The following PRKD3 variants were observed in gnomAD, a reference collection of about 807,000 sequenced individuals.
PRKD3 encodes serine/threonine-protein kinase D3.
In PRKD3, 47 loss-of-function variants were observed where a neutral mutation model predicts 99.2. The ratio of observed to expected loss-of-function variants is 0.47; its 90% CI spans 0.38 to 0.60. The LOEUF (loss-of-function observed/expected upper bound fraction) is 0.60. Among genes scored for constraint, PRKD3 ranks in the 20% least tolerant of loss-of-function variants. PRKD3 has a pLI of 0.00. For synonymous variants in PRKD3, 392 were observed against 355.4 expected (o/e 1.10, Z -1.16); for missense variants, 1,019 against 1,088.4 (o/e 0.94, Z 0.90).
chr2:37,275,710 C>A (rs922419444), intron 10 of PRKD3, 57 bp downstream of exon 10: 2 of 1,501,368 alleles, frequency 1.3e-6, no homozygotes, highest in Non-Finnish European at 1.8e-6. Context: ...TGAATATTAT[C>A]TGAAAAAAAC....
At chr2:37,309,867 A>G (rs888551005) in intron 2 of PRKD3, among the ~76,000 whole-genome samples, 2 of 143,058 alleles carry the variant, frequency 1.4e-5, no homozygotes, top group South Asian at 4.5e-4. Context: ...AAAAAAAAAA[A>G]GGCAGCACAT....
At chr2:37,271,242 C>T (rs1432919453) in intron 12 of PRKD3, among the ~76,000 whole-genome samples, 1 of 151,978 alleles carries the variant, frequency 6.6e-6, no homozygotes, top group South Asian at 2.1e-4. Flanking sequence ...TCTCTCTAGT[C>T]CAGGGGTTAG....
intron 2 of PRKD3, among the ~76,000 whole-genome samples, chr2:37,309,986 T>C (rs1671352745): frequency 6.6e-6 from 1 of 152,232 alleles, no homozygotes; most frequent in South Asian, 2.1e-4. Flanking sequence ...TGATATACCA[T>C]TAACCTCTAA....
chr2:37,262,570 G>C (rs1668546440), intron 14 of PRKD3, among the ~76,000 whole-genome samples: 1 of 152,076 alleles, frequency 6.6e-6, no homozygotes, highest in South Asian at 2.1e-4. Flanking sequence ...ATAGTGGTGG[G>C]GTGTGACAAT....
chr2:37,316,005 G>C (rs1420157071), intron 2 of PRKD3, among the ~76,000 whole-genome samples: 3 of 152,204 alleles, frequency 2.0e-5, no homozygotes, highest in Non-Finnish European at 4.4e-5. Context: ...GATTACAGGC[G>C]TGAGCCACTA....
At chr2:37,297,572 T>C (rs1024837630) in intron 2 of PRKD3, among the ~76,000 whole-genome samples, 1 of 152,210 alleles carries the variant, frequency 6.6e-6, no homozygotes, top group Non-Finnish European at 1.5e-5. Context: ...ATCCCATCCA[T>C]ACCACATCAC....
In PRKD3 at chr2:37,256,781, A is replaced by T; in HGVS notation, c.2294T>A (p.Ile765Asn). 2 of 1,613,952 alleles carry T rather than the reference A, an allele frequency of 1.2e-6. No homozygotes were observed. The highest frequency in any genetic ancestry group is 1.7e-6 in the Non-Finnish European group (2 of 1,180,004). Residue 765 changes from isoleucine (I) to asparagine (N), a missense_variant, in exon 17 of 19, where the codon ATC (isoleucine) becomes AAC (asparagine). Coordinates refer to ENST00000234179, the MANE Select transcript of PRKD3 (RefSeq NM_005813.6). ...RSLDMWSVGVIIYVSLSGTFP... is the reference protein window; with the variant it reads ...RSLDMWSVGVNIYVSLSGTFP... ...TGTGCCACTGAGGCTCACATAGATG[A>T]TAACTCCCACTGACCACATATCTAG...
At chr2:37,307,779 T>G (rs1016913112) in intron 2 of PRKD3, among the ~76,000 whole-genome samples, 1 of 152,202 alleles carries the variant, frequency 6.6e-6, no homozygotes, top group Admixed American at 6.5e-5. Context: ...GGGTGTGTAA[T>G]GAAACTGGAT....
intron 14 of PRKD3, among the ~76,000 whole-genome samples, chr2:37,265,502 C>T (rs1668776454): frequency 6.6e-6 from 1 of 152,000 alleles, no homozygotes; most frequent in South Asian, 2.1e-4. Flanking sequence ...CACACACACA[C>T]ACACAAACAC....
intron 7 of PRKD3, among the ~76,000 whole-genome samples, chr2:37,281,739 C>T (rs1669866684): frequency 6.6e-6 from 1 of 152,090 alleles, no homozygotes; most frequent in South Asian, 2.1e-4. Flanking sequence ...GAAAACAAGC[C>T]ACAAGAGAAA....
intron 7 of PRKD3, among the ~76,000 whole-genome samples, chr2:37,281,698 C>T (rs1265010996): frequency 6.6e-6 from 1 of 152,122 alleles, no homozygotes; most frequent in East Asian, 1.9e-4. Flanking sequence ...GTTATAGCAG[C>T]ACAAACAGAC....
At chr2:37,271,493 T>C (rs1179370045) in intron 12 of PRKD3, among the ~76,000 whole-genome samples, 1 of 152,222 alleles carries the variant, frequency 6.6e-6, no homozygotes, top group Non-Finnish European at 1.5e-5. Flanking sequence ...TAGTTGTATA[T>C]GGTCCACAAC....
At chr2:37,304,563 A>T (rs967052074) in intron 2 of PRKD3, among the ~76,000 whole-genome samples, 1 of 152,076 alleles carries the variant, frequency 6.6e-6, no homozygotes, top group Non-Finnish European at 1.5e-5. Flanking sequence ...CAACATGCTG[A>T]AACGCCATCT....
chr2:37,265,301 G>A (rs938250642), intron 14 of PRKD3, among the ~76,000 whole-genome samples: 4 of 152,192 alleles, frequency 2.6e-5, no homozygotes, highest in Admixed American at 1.3e-4. Flanking sequence ...AAGTTTAGCT[G>A]TGATGCTCAC....
At chr2:37,280,072 G>C in intron 7 of PRKD3, 143 bp from the exon 8 acceptor site, 2 of 550,910 alleles carry the variant, frequency 3.6e-6, no homozygotes, top group South Asian at 5.1e-5. Context: ...TTTTTTTTGA[G>C]ATAGAGTTTC....
chr2:37,294,487 A>C (rs1670589318), intron 2 of PRKD3, among the ~76,000 whole-genome samples: 1 of 152,186 alleles, frequency 6.6e-6, no homozygotes, highest in Non-Finnish European at 1.5e-5. Context: ...TAACCAGGGT[A>C]AATAATGGGA....
chr2:37,264,613 T>C (rs1668705343), intron 14 of PRKD3, among the ~76,000 whole-genome samples: 1 of 151,762 alleles, frequency 6.6e-6, no homozygotes, highest in South Asian at 2.1e-4. Context: ...GACAAGGGAG[T>C]ATGACATGCA....
intron 2 of PRKD3, among the ~76,000 whole-genome samples, chr2:37,302,981 T>C (rs1174629274): frequency 2.0e-5 from 3 of 152,148 alleles, no homozygotes; most frequent in Non-Finnish European, 2.9e-5. Context: ...AATGTCTTTT[T>C]ACCAATCGAA....
At chr2:37,295,537 C>T (rs1464108279) in intron 2 of PRKD3, among the ~76,000 whole-genome samples, 1 of 152,124 alleles carries the variant, frequency 6.6e-6, no homozygotes, top group South Asian at 2.1e-4. Context: ...CCCACTGGCA[C>T]CATACTAACA....
Sources: gnomAD v4.1 joint callset for allele counts (sites outside exome capture counted in the v4.1 genomes callset) on GRCh38, gnomAD v4.1.1 for gene constraint, MANE v1.5 for transcripts, NCBI Gene and HGNC (gene_info 2026-07-23, HGNC 2026-07-21) for gene names.